GNB1: variants seen among roughly 807,000 people sequenced by gnomAD.
GNB1 encodes guanine nucleotide-binding protein G(I)/G(S)/G(T) subunit beta-1.
A neutral mutation model predicts 42.9 loss-of-function variants in GNB1; 2 were observed. That is an observed-to-expected ratio of 0.05 (90% CI 0.02 to 0.15). The LOEUF (loss-of-function observed/expected upper bound fraction) is 0.15, where lower values mean the gene tolerates loss of function less well. Among genes scored for constraint, GNB1 ranks in the 10% least tolerant of loss-of-function variants. The probability of loss-of-function intolerance (pLI) is 1.00; values close to 1 mark genes in which losing one functional copy is unlikely to be tolerated. For synonymous variants in GNB1, 183 were observed against 174.7 expected (o/e 1.05, Z -0.38); for missense variants, 193 against 462.2 (o/e 0.42, Z 5.34).
At chr1:1,832,981 G>GT (rs1647097371) in intron 2 of GNB1, among the ~76,000 whole-genome samples, 1 of 152,136 alleles carries the variant, frequency 6.6e-6, no homozygotes. Flanking sequence ...AAACTATGAC[G>GT]TGTACCTTTG....
intron 5 of GNB1, 140 bp from the exon 6 acceptor site, chr1:1,806,678 G>A: frequency 1.9e-6 from 1 of 537,680 alleles, no homozygotes; most frequent in Non-Finnish European, 3.3e-6. Flanking sequence ...TTATTTATAA[G>A]AAAAAAAATC....
chr1:1,858,607 T>C (rs1159212629), intron 1 of GNB1, among the ~76,000 whole-genome samples: 4 of 152,252 alleles, frequency 2.6e-5, no homozygotes, highest in African/African-American at 4.8e-5. Flanking sequence ...CAGACCACAG[T>C]GATGAGTCCA....
chr1:1,798,141 T>A (rs987941224), intron 7 of GNB1, among the ~76,000 whole-genome samples: 2 of 152,182 alleles, frequency 1.3e-5, no homozygotes, highest in Non-Finnish European at 2.9e-5. Context: ...CTTGAAGATG[T>A]GAAAGTGAGG....
intron 2 of GNB1, among the ~76,000 whole-genome samples, chr1:1,831,053 T>C (rs1015511346): frequency 6.6e-6 from 1 of 152,092 alleles, no homozygotes; most frequent in Admixed American, 6.6e-5. Flanking sequence ...TAATCCCACA[T>C]ACTCGGGAGG....
At chr1:1,818,103 G>C (rs1005858966) in intron 3 of GNB1, 52 of 422,890 alleles carry the variant, frequency 1.2e-4, no homozygotes, top group Admixed American at 5.8e-4. Flanking sequence ...ATCTGTCTAA[G>C]ACCTGCAGCA....
At chr1:1,852,526 G>A (rs1005907276) in intron 1 of GNB1, among the ~76,000 whole-genome samples, 3 of 151,716 alleles carry the variant, frequency 2.0e-5, no homozygotes, top group Non-Finnish European at 2.9e-5. Flanking sequence ...CACGGCGCCC[G>A]GCCTCAAAAT....
At chr1:1,835,922 G>GA (rs59271649) in intron 2 of GNB1, among the ~76,000 whole-genome samples, 19,594 of 88,682 alleles carry the variant, frequency 0.22, 3,360 homozygotes, top group African/African-American at 0.48. Flanking sequence ...ATTAAAAAAA[G>GA]AAAAAAAAAA....
At chr1:1,870,098 T>C (rs1649167253) in intron 1 of GNB1, among the ~76,000 whole-genome samples, 2 of 152,148 alleles carry the variant, frequency 1.3e-5, no homozygotes, top group Non-Finnish European at 2.9e-5. Context: ...TGACCTCAAG[T>C]GATCTGCCCG....
At chr1:1,819,523 T>C (rs1010217020) in intron 3 of GNB1, among the ~76,000 whole-genome samples, 6 of 145,398 alleles carry the variant, frequency 4.1e-5, no homozygotes, top group African/African-American at 7.5e-5. Context: ...GCCTGGCCTC[T>C]TTTTTTTTTT....
At chr1:1,889,641 C>G (rs1003613129) in intron 1 of GNB1, among the ~76,000 whole-genome samples, 2 of 102,572 alleles carry the variant, frequency 1.9e-5, no homozygotes, top group Admixed American at 1.1e-4. Flanking sequence ...ATCTCTTTTA[C>G]AAAGAGATCC....
At chr1:1,825,247 G>C (rs1367102278) in intron 3 of GNB1, 150 bp downstream of exon 3, 3 of 664,404 alleles carry the variant, frequency 4.5e-6, no homozygotes, top group Non-Finnish European at 8.2e-6. Context: ...TAAGTATCTA[G>C]ATCTATAATT....
At chr1:1,890,253 G>A (rs950026658) in intron 1 of GNB1, 4 of 151,968 alleles carry the variant, frequency 2.6e-5, no homozygotes, top group African/African-American at 4.8e-5. Context: ...CGCCGCGCCC[G>A]GCTTCCGCTT....
At chr1:1,813,329 TC>T (rs544226798) in intron 5 of GNB1, among the ~76,000 whole-genome samples, 226 of 152,254 alleles carry the variant, frequency 1.5e-3, no homozygotes, top group African/African-American at 5.3e-3. Context: ...GAGGCTGGTT[TC>T]GAACTCCTGA....
At chr1:1,848,373 A>G (rs912560595) in intron 1 of GNB1, among the ~76,000 whole-genome samples, 1 of 150,930 alleles carries the variant, frequency 6.6e-6, no homozygotes, top group African/African-American at 2.4e-5. Flanking sequence ...AAAAAAAAAA[A>G]AGAAAAAGAA....
At chr1:1,855,630 C>T (rs528324233) in intron 1 of GNB1, among the ~76,000 whole-genome samples, 29 of 146,284 alleles carry the variant, frequency 2.0e-4, no homozygotes, top group Non-Finnish European at 2.7e-4. Flanking sequence ...GCATGAACCC[C>T]GGGGGGCGGA....
chr1:1,796,735 A>C (rs1160931114), intron 7 of GNB1, among the ~76,000 whole-genome samples: 1 of 152,194 alleles, frequency 6.6e-6, no homozygotes, highest in East Asian at 1.9e-4. Flanking sequence ...AAGGGCACAA[A>C]GGTGGCACCA....
intron 8 of GNB1, among the ~76,000 whole-genome samples, chr1:1,791,329 G>A (rs956796100): frequency 1.4e-4 from 22 of 152,122 alleles, no homozygotes; most frequent in Admixed American, 1.4e-3. Context: ...GCGCCACCAT[G>A]CCCGGCTAAT....
At chr1:1,856,126 A>G (rs1648283052) in intron 1 of GNB1, among the ~76,000 whole-genome samples, 1 of 151,722 alleles carries the variant, frequency 6.6e-6, no homozygotes, top group Admixed American at 6.6e-5. Flanking sequence ...GGGCTCAAGT[A>G]TCCTCCCATC....
At chr1:1,872,837 G>A (rs1222275261) in intron 1 of GNB1, among the ~76,000 whole-genome samples, 1 of 152,078 alleles carries the variant, frequency 6.6e-6, no homozygotes, top group African/African-American at 2.4e-5. Context: ...CCATCACCAA[G>A]CACAGTGTCT....
Sources: allele counts gnomAD v4.1 joint callset (sites outside exome capture counted in the v4.1 genomes callset), GRCh38; gene constraint gnomAD v4.1.1; transcripts MANE v1.5; gene names NCBI Gene and HGNC (gene_info 2026-07-23, HGNC 2026-07-21).